The following CCNT2 variants were observed in gnomAD, a reference collection of about 807,000 sequenced individuals.
CCNT2 encodes cyclin-T2.
A neutral mutation model predicts 70.0 loss-of-function variants in CCNT2; 18 were observed. The ratio of observed to expected loss-of-function variants is 0.26; its 90% CI spans 0.18 to 0.38. The LOEUF is 0.38. Among genes scored for constraint, CCNT2 ranks in the 10% least tolerant of loss-of-function variants. The probability of loss-of-function intolerance (pLI) is 1.00; values close to 1 mark genes in which losing one functional copy is unlikely to be tolerated. For synonymous variants in CCNT2, 334 were observed against 313.3 expected (o/e 1.07, Z -0.70); for missense variants, 734 against 890.2 (o/e 0.82, Z 2.23).
chr2:134,949,540 T>C (rs1247364358), intron 7 of CCNT2, among the ~76,000 whole-genome samples: 5 of 152,232 alleles, frequency 3.3e-5, no homozygotes, highest in Admixed American at 6.5e-5. Flanking sequence ...TCCTTTTCTA[T>C]TTTGTTTTCC....
chr2:134,947,696 A>T, intron 6 of CCNT2, 40 bp from the exon 7 acceptor site: 1 of 1,378,248 alleles, frequency 7.3e-7, no homozygotes, highest in South Asian at 2.1e-5. Context: ...ACATACTTGA[A>T]TTTTTATGGC....
At chr2:134,920,494 G>A (rs1249744866) in intron 2 of CCNT2, 1 of 152,134 alleles carries the variant, frequency 6.6e-6, no homozygotes, top group Non-Finnish European at 1.5e-5. Context: ...TGTATTATTA[G>A]TAAAATTTAC....
chr2:134,931,240 G>A (rs1418077534), intron 2 of CCNT2, among the ~76,000 whole-genome samples: 1 of 126,174 alleles, frequency 7.9e-6, no homozygotes, highest in Non-Finnish European at 1.6e-5. Context: ...AGGATTACAG[G>A]CATAAGCCAC....
chr2:134,945,159 A>G lies in CCNT2; in HGVS notation c.494-942A>G. 3 of 985,248 alleles carry G rather than the reference A, an allele frequency of 3.0e-6. No homozygotes were observed. The African/African-American group carries it at 5.2e-5, about 17-fold the overall frequency. The allele number at this position is 985,248 out of a possible 1,614,324, so 61.0% of individuals were successfully genotyped here. On this transcript the variant is annotated intron_variant, in intron 5 of 8. Transcript: ENST00000264157. Reference sequence around the variant, plus strand: ...GCTAAACCCCAATCCCTTTTGTAAAACCTTTATGTTGATGATCCACATGGG... The same window carrying G: ...GCTAAACCCCAATCCCTTTTGTAAAGCCTTTATGTTGATGATCCACATGGG...
rs1682680882 is a variant in CCNT2 at position 134,953,433 on chromosome 2, T to C, written c.978T>C (p.His326=). ...GAAATATTTCTGTTCAAGACAGCCA[T>C]ACATCTGATAATTTGTCAATGCTAG... ...NSGNISVQDS[H]TSDNLSMLAT... is the part of the protein sequence containing the mutation. Residue 326 remains histidine (H), a synonymous_variant, in exon 9 of 9, where the codon CAT becomes CAC. Coordinates refer to ENST00000264157, the MANE Select transcript of CCNT2 (RefSeq NM_058241.3). 2 of 1,612,102 alleles carry C rather than the reference T, an allele frequency of 1.2e-6. No individual in the cohort carries two copies. Among genetic ancestry groups the C allele is most frequent in the Non-Finnish European group, 1.7e-6 (2 of 1,178,952 alleles).
In CCNT2 at chr2:134,919,884, A is replaced by C; in HGVS notation, c.233A>C (p.Asn78Thr). The change falls in exon 2 of 9, where the codon AAC (asparagine) becomes ACC (threonine). Residue 78 changes from asparagine (N) to threonine (T), a missense_variant. This residue lies in a region of CCNT2 where 161 missense variants were observed against 303.8 expected (regional missense o/e 0.53). Transcript: ENST00000264157. ...FYMHHSFTKFNKNIISSTALF... is the reference protein window; with the variant it reads ...FYMHHSFTKFTKNIISSTALF... The stretch of plus-strand genomic sequence containing the variant: ...ATGCACCATTCTTTCACCAAATTCA[A>C]CAAAAATGTAAGTACTAGTTGTCTG... The C allele has an allele frequency of 6.3e-7, 1 of 1,599,528 alleles. No individual in the cohort carries two copies.
At chr2:134,919,644 C>T (rs1329713330) in intron 1 of CCNT2, among the ~76,000 whole-genome samples, 166 bp from the exon 2 acceptor site, 1 of 152,146 alleles carries the variant, frequency 6.6e-6, no homozygotes, top group African/African-American at 2.4e-5. Flanking sequence ...CAAGCCTATT[C>T]TCTTCCTGCC....
At chr2:134,919,963 C>A in intron 2 of CCNT2, 72 bp downstream of exon 2, 1 of 1,021,278 alleles carries the variant, frequency 9.8e-7, no homozygotes, top group South Asian at 1.3e-5. Context: ...AAAAGTTGGT[C>A]ATTGCGTTGT....
chr2:134,927,223 T>C (rs771525322), intron 2 of CCNT2, among the ~76,000 whole-genome samples: 2 of 152,262 alleles, frequency 1.3e-5, no homozygotes, highest in African/African-American at 4.8e-5. Flanking sequence ...GCTGCTCTTA[T>C]CTGCCTAATT....
chr2:134,921,563 A>C (rs1468621212), intron 2 of CCNT2, among the ~76,000 whole-genome samples: 2 of 152,170 alleles, frequency 1.3e-5, no homozygotes, highest in African/African-American at 2.4e-5. Flanking sequence ...CATGTTGGCC[A>C]GGCCGGTCTT....
chr2:134,919,784 G>T (rs1679740392), intron 1 of CCNT2, 26 bp from the exon 2 acceptor site: 3 of 1,562,384 alleles, frequency 1.9e-6, no homozygotes, highest in South Asian at 2.3e-5. Context: ...GCTTTTGTCA[G>T]ATATTTCCTA....
chr2:134,923,960 A>C (rs1199047635), intron 2 of CCNT2, among the ~76,000 whole-genome samples: 2 of 152,250 alleles, frequency 1.3e-5, no homozygotes, highest in Non-Finnish European at 2.9e-5. Context: ...TCATTGCACT[A>C]AATCCAATGA....
Position 134,924,939 on chromosome 2 carries a change from A to G in CCNT2, c.240+5048A>G, listed in dbSNP as rs188183971. ...AAGGACCCTAGAGTGTGTGACCTGT[A>G]GAGTTTCCAACTGTCTGAATTTTGC... On this transcript the variant is annotated intron_variant, in intron 2 of 8. Transcript: ENST00000264157. Among the ~76,000 whole-genome samples the G allele has an allele frequency of 2.2e-4, 34 of 152,288 alleles. No individual in the cohort carries two copies. The East Asian group carries it at 6.2e-3, about 28-fold the overall frequency.
At chr2:134,928,721 T>G (rs997363177) in intron 2 of CCNT2, among the ~76,000 whole-genome samples, 2 of 152,092 alleles carry the variant, frequency 1.3e-5, no homozygotes, top group African/African-American at 4.8e-5. Context: ...TGAGGGTTCA[T>G]TTAGAAGTTG....
Position 134,942,667 on chromosome 2 carries a change from A to T in CCNT2, c.486A>T (p.Leu162Phe). The part of the protein sequence containing the change: ...PHTDVVKCTQ[L>F]VRASKDLAQT... ...CAGATGTGGTGAAATGTACCCAGTT[A>T]GTAAGAGGTAGGTGATCCTTGAAAC... The change falls in exon 5 of 9, where the codon TTA becomes TTT. Residue 162 changes from leucine (L) to phenylalanine (F), a missense_variant. Transcript: ENST00000264157. The T allele has an allele frequency of 6.2e-7, 1 of 1,608,366 alleles. No individual in the cohort carries two copies. The highest frequency in any genetic ancestry group is 8.5e-7 in the Non-Finnish European group (1 of 1,177,374).
intron 2 of CCNT2, 58 bp downstream of exon 2, chr2:134,919,949 G>A: frequency 8.3e-7 from 1 of 1,210,176 alleles, no homozygotes; most frequent in Non-Finnish European, 1.2e-6. Flanking sequence ...TCGATACGCA[G>A]AAAAAAAGTT....
chr2:134,936,873 A>G lies in CCNT2; in HGVS notation c.273A>G (p.Ala91=). 1 of 1,613,718 alleles carries G rather than the reference A, an allele frequency of 6.2e-7. No individual in the cohort carries two copies. The highest frequency in any genetic ancestry group is 8.5e-7 in the Non-Finnish European group (1 of 1,179,696). The stretch of plus-strand genomic sequence containing the variant: ...CGTCTACTGCATTATTTTTGGCTGC[A>G]AAAGTGGAAGAACAGGCTCGAAAAC... ...IISSTALFLA[A]KVEEQARKLE... Residue 91 remains alanine, a synonymous_variant, in exon 3 of 9, where the codon GCA becomes GCG. Coordinates refer to ENST00000264157, the MANE Select transcript of CCNT2 (RefSeq NM_058241.3).
intron 4 of CCNT2, 48 bp downstream of exon 4, chr2:134,939,110 G>A (rs575500404): frequency 8.4e-7 from 1 of 1,185,086 alleles, no homozygotes; most frequent in East Asian, 2.4e-5. Flanking sequence ...TTTCACTAAA[G>A]CATTCTAAAT....
chr2:134,948,807 C>T (rs560164165), intron 7 of CCNT2, among the ~76,000 whole-genome samples: 3 of 152,016 alleles, frequency 2.0e-5, no homozygotes, highest in South Asian at 2.1e-4. Context: ...CTCCACCTCC[C>T]GAGTTCAAGC....
Sources: allele counts gnomAD v4.1 joint callset (sites outside exome capture counted in the v4.1 genomes callset), GRCh38; gene constraint gnomAD v4.1.1; regional missense constraint gnomAD v4.1.1; transcripts MANE v1.5; gene names NCBI Gene and HGNC (gene_info 2026-07-23, HGNC 2026-07-21).